The following OXR1 variants were observed in gnomAD, a reference collection of about 807,000 sequenced individuals.
The protein encoded by OXR1 is oxidation resistance protein 1.
A neutral mutation model predicts 104.6 loss-of-function variants in OXR1; 41 were observed. The ratio of observed to expected loss-of-function variants is 0.39; its 90% CI spans 0.31 to 0.51. OXR1 has a LOEUF of 0.51. Ranked by LOEUF, OXR1 falls within the 20% of genes least tolerant of loss-of-function variation. OXR1 has a pLI of 0.77. For missense variants in OXR1, 955 were observed against 1,031.9 expected, an observed-to-expected ratio of 0.93 and a Z score of 1.02; for synonymous variants, 348 against 348.4, an observed-to-expected ratio of 1.00 and a Z score of 0.01.
intron 3 of OXR1, among the ~76,000 whole-genome samples, chr8:106,632,930 C>A (rs1033608610): frequency 1.3e-5 from 2 of 149,168 alleles, no homozygotes; most frequent in African/African-American, 5.0e-5. Flanking sequence ...CAGAGTGAGA[C>A]CCTGTTTCAA....
At chr8:106,435,058 A>C (rs28562014) in intron 2 of OXR1, among the ~76,000 whole-genome samples, 34,379 of 152,032 alleles carry the variant, frequency 0.23, 5,400 homozygotes, top group African/African-American at 0.42. Context: ...CCTCTAAGGA[A>C]GTAACAGTCA....
chr8:106,363,256 T>G (rs532574130), intron 2 of OXR1, among the ~76,000 whole-genome samples: 1 of 152,194 alleles, frequency 6.6e-6, no homozygotes, highest in Admixed American at 6.5e-5. Context: ...AGAAGACTGA[T>G]AAGTGATCAA....
intron 1 of OXR1, among the ~76,000 whole-genome samples, chr8:106,303,868 T>A (rs1813367598): frequency 6.6e-6 from 1 of 152,218 alleles, no homozygotes; most frequent in Admixed American, 6.5e-5. Flanking sequence ...TTTCAGTAAT[T>A]TTTCGCTTAA....
chr8:106,458,229 G>T lies in OXR1; in HGVS notation c.24-60714G>T, dbSNP rs544477271. Among the ~76,000 whole-genome samples, 5 of 152,236 alleles carry T rather than the reference G, an allele frequency of 3.3e-5. No individual in the cohort carries two copies. The South Asian group carries it at 6.2e-4, about 19-fold the overall frequency. On this transcript the variant is annotated intron_variant, in intron 2 of 16. Transcript: ENST00000517566. Reference sequence around the variant, plus strand: ...ACTTGAGGGCCAGATTTCCAGAGAGGTTCCCTTAAAAGCTCAATATTTGCT... The same window carrying T: ...ACTTGAGGGCCAGATTTCCAGAGAGTTTCCCTTAAAAGCTCAATATTTGCT...
chr8:106,528,777 C>T (rs560227015), intron 3 of OXR1, among the ~76,000 whole-genome samples: 1 of 152,346 alleles, frequency 6.6e-6, no homozygotes, highest in Non-Finnish European at 1.5e-5. Context: ...TAGGTCACCA[C>T]TGACCTGGAA....
At chr8:106,646,105 C>CT (rs373960800) in intron 3 of OXR1, among the ~76,000 whole-genome samples, 15 of 149,420 alleles carry the variant, frequency 1.0e-4, no homozygotes, top group East Asian at 2.0e-4. Context: ...TCTCTATTAT[C>CT]TTTTTTTTTT....
intron 11 of OXR1, among the ~76,000 whole-genome samples, chr8:106,722,682 A>G (rs561064598): frequency 6.6e-6 from 1 of 152,320 alleles, no homozygotes; most frequent in South Asian, 2.1e-4. Flanking sequence ...TAGAAGTAAT[A>G]GGCCATACCG....
At chr8:106,564,734 A>G (rs903384207) in intron 3 of OXR1, among the ~76,000 whole-genome samples, 2 of 152,228 alleles carry the variant, frequency 1.3e-5, no homozygotes, top group Non-Finnish European at 2.9e-5. Context: ...AAAATCCTCA[A>G]TAAAATCCTG....
intron 1 of OXR1, among the ~76,000 whole-genome samples, chr8:106,315,660 T>A (rs1240600891): frequency 6.6e-6 from 1 of 152,208 alleles, no homozygotes; most frequent in Non-Finnish European, 1.5e-5. Context: ...TACTGGGTGA[T>A]GCAGCAAAGA....
intron 7 of OXR1, among the ~76,000 whole-genome samples, chr8:106,699,090 C>A (rs906449045): frequency 2.0e-5 from 3 of 152,066 alleles, no homozygotes; most frequent in African/African-American, 4.8e-5. Flanking sequence ...ACCAGAATAG[C>A]CTTTAGTGTG....
At chr8:106,401,250 G>T (rs1817986643) in intron 2 of OXR1, among the ~76,000 whole-genome samples, 1 of 152,062 alleles carries the variant, frequency 6.6e-6, no homozygotes, top group Non-Finnish European at 1.5e-5. Context: ...CTTCAGGGAT[G>T]TCCCAGAAAA....
At chr8:106,523,968 G>C (rs575230762) in intron 3 of OXR1, among the ~76,000 whole-genome samples, 1 of 151,918 alleles carries the variant, frequency 6.6e-6, no homozygotes, top group Admixed American at 6.6e-5. Context: ...AGTAGAGACG[G>C]GGTTTCACCA....
intron 2 of OXR1, among the ~76,000 whole-genome samples, chr8:106,376,873 A>C (rs1419603863): frequency 6.6e-6 from 1 of 152,238 alleles, no homozygotes; most frequent in Non-Finnish European, 1.5e-5. Flanking sequence ...GTTCTCAGCC[A>C]GATGGGCTAC....
At chr8:106,433,000 G>A (rs1819423663) in intron 2 of OXR1, among the ~76,000 whole-genome samples, 1 of 152,082 alleles carries the variant, frequency 6.6e-6, no homozygotes, top group African/African-American at 2.4e-5. Flanking sequence ...GGTTTTCCTT[G>A]CCTGCTGCCT....
At chr8:106,497,806 G>GCA (rs1554583311) in intron 2 of OXR1, among the ~76,000 whole-genome samples, 15 of 144,046 alleles carry the variant, frequency 1.0e-4, no homozygotes, top group Non-Finnish European at 2.1e-4. Context: ...GTGTGTGTGT[G>GCA]CACACGCGTG....
chr8:106,385,265 T>A (rs1817328924), intron 2 of OXR1, among the ~76,000 whole-genome samples: 1 of 152,204 alleles, frequency 6.6e-6, no homozygotes, highest in Non-Finnish European at 1.5e-5. Context: ...GGCAAATGAA[T>A]GACAATTCCT....
At chr8:106,289,502 GAAATC>G (rs924344131) in intron 1 of OXR1, among the ~76,000 whole-genome samples, 9 of 152,188 alleles carry the variant, frequency 5.9e-5, no homozygotes, top group African/African-American at 2.2e-4. Context: ...ACTGCTGGAA[GAAATC>G]AGAGATGATA....
intron 2 of OXR1, among the ~76,000 whole-genome samples, chr8:106,396,131 C>CAGAT (rs1406522963): frequency 6.6e-6 from 1 of 151,994 alleles, no homozygotes; most frequent in African/African-American, 2.4e-5. Flanking sequence ...AGAGGGAGAA[C>CAGAT]AGATAAATCT....
intron 2 of OXR1, among the ~76,000 whole-genome samples, chr8:106,516,382 A>T (rs1812860821): frequency 6.6e-6 from 1 of 152,118 alleles, no homozygotes; most frequent in Admixed American, 6.6e-5. Flanking sequence ...GTCTCCCTCC[A>T]TAAGAATAAG....
Sources: gnomAD v4.1 joint callset for allele counts (sites outside exome capture counted in the v4.1 genomes callset) on GRCh38, gnomAD v4.1.1 for gene constraint, MANE v1.5 for transcripts, NCBI Gene and HGNC (gene_info 2026-07-23, HGNC 2026-07-21) for gene names.